EVC2: variants seen among roughly 807,000 people sequenced by gnomAD.
EVC2 encodes limbin.
A neutral mutation model predicts 149.3 loss-of-function variants in EVC2; 148 were observed. The observed-to-expected ratio is 0.99, with a 90% CI of 0.87 to 1.14. The LOEUF (loss-of-function observed/expected upper bound fraction) is 1.14. Among genes scored for constraint, EVC2 ranks in the 50% most tolerant of loss-of-function variants. The pLI is 0.00. For synonymous variants in EVC2, 776 were observed against 649.9 expected (o/e 1.19, Z -2.95); for missense variants, 1,854 against 1,627.3 (o/e 1.14, Z -2.40).
In EVC2 at chr4:5,572,162, T is replaced by C. The variant is rs529342823; in HGVS notation, c.3360+2523A>G. Among the ~76,000 whole-genome samples the C allele has an allele frequency of 9.3e-4, 142 of 152,346 alleles. No homozygotes were observed. In the Middle Eastern group the frequency reaches 0.01, roughly 11 times the overall value. ...AAGAAATTCAGCTGAGTAGATATTA[T>C]TGGGCAGACTATACAAAGCACCAAG... On this transcript the variant is annotated intron_variant, in intron 19 of 21. Transcript: ENST00000344408.
intron 15 of EVC2, among the ~76,000 whole-genome samples, chr4:5,617,941 T>C (rs1252741610): frequency 2.6e-5 from 4 of 152,114 alleles, no homozygotes; most frequent in African/African-American, 7.2e-5. Context: ...CTGGGGGCTT[T>C]GGAGCAAAAA....
intron 1 of EVC2, among the ~76,000 whole-genome samples, chr4:5,701,848 C>A (rs1305359185): frequency 6.6e-6 from 1 of 152,176 alleles, no homozygotes; most frequent in Non-Finnish European, 1.5e-5. Context: ...TTCTCTCTCT[C>A]AACCCAGAAC....
At chr4:5,638,802 G>A (rs910489178) in intron 10 of EVC2, among the ~76,000 whole-genome samples, 28 of 152,150 alleles carry the variant, frequency 1.8e-4, no homozygotes, top group Admixed American at 1.5e-3. Context: ...GGAAGACAGA[G>A]CAAAGATTTA....
At chr4:5,699,680 A>G (rs10937663) in intron 1 of EVC2, among the ~76,000 whole-genome samples, 140,099 of 149,596 alleles carry the variant, frequency 0.94, 65,675 homozygotes, top group African/African-American at 0.96. Flanking sequence ...AATTAGCCAG[A>G]TGTAGTGGCA....
intron 21 of EVC2, among the ~76,000 whole-genome samples, chr4:5,547,396 C>A (rs1721642920): frequency 6.6e-6 from 1 of 152,216 alleles, no homozygotes; most frequent in Non-Finnish European, 1.5e-5. Flanking sequence ...TGGAAGGGGG[C>A]AGATCCCCAG....
intron 16 of EVC2, among the ~76,000 whole-genome samples, chr4:5,600,419 C>G (rs1713884402): frequency 6.6e-6 from 1 of 152,082 alleles, no homozygotes; most frequent in Admixed American, 6.6e-5. Flanking sequence ...AAAGAGGTTT[C>G]TTCATTTCTA....
At chr4:5,590,228 C>A (rs554851289) in intron 16 of EVC2, among the ~76,000 whole-genome samples, 1 of 152,194 alleles carries the variant, frequency 6.6e-6, no homozygotes, top group African/African-American at 2.4e-5. Flanking sequence ...GGCAGAGCTT[C>A]CCCTCAGACA....
chr4:5,652,048 G>A (rs1447906665), intron 9 of EVC2, among the ~76,000 whole-genome samples: 1 of 152,234 alleles, frequency 6.6e-6, no homozygotes, highest in African/African-American at 2.4e-5. Flanking sequence ...GGGAACAGGG[G>A]GAAGCTGGCG....
rs1716988845 is a variant in EVC2 at position 5,637,805 on chromosome 4, CTCTT to C, written c.1470+2705_1470+2708del. Among the ~76,000 whole-genome samples, 2 of 150,276 alleles carry C rather than the reference CTCTT, an allele frequency of 1.3e-5. No homozygotes were observed. Among genetic ancestry groups the C allele is most frequent in the South Asian group, 2.1e-4 (1 of 4,774 alleles). ...CCACTGAGTTGTGGGATGGGCTTCT[CTCTT>C]TTTTTTTTTTTTCAGGGCTTTTTCT... On this transcript the variant is annotated intron_variant, in intron 10 of 21. Coordinates refer to ENST00000344408, the MANE Select transcript of EVC2 (RefSeq NM_147127.5). This position sits in a 1 kb window ranked among gnomAD's most constrained non-coding sequence, Gnocchi z 4.4.
At chr4:5,599,456 T>G (rs1294759258) in intron 16 of EVC2, among the ~76,000 whole-genome samples, 3 of 151,946 alleles carry the variant, frequency 2.0e-5, no homozygotes, top group African/African-American at 4.8e-5. Flanking sequence ...TCATTCTCAG[T>G]AAACTATCGC....
chr4:5,627,152 T>A (rs184489529), intron 12 of EVC2, among the ~76,000 whole-genome samples: 1 of 152,302 alleles, frequency 6.6e-6, no homozygotes, highest in African/African-American at 2.4e-5. Context: ...CTAGACTGCC[T>A]GCATCCCTGG....
At chr4:5,612,323 G>C (rs1714885084) in intron 16 of EVC2, among the ~76,000 whole-genome samples, 1 of 152,018 alleles carries the variant, frequency 6.6e-6, no homozygotes, top group African/African-American at 2.4e-5. Flanking sequence ...TTGAAAACTG[G>C]GTTCTGATTC....
At chr4:5,652,036 C>A (rs1232114222) in intron 9 of EVC2, among the ~76,000 whole-genome samples, 1 of 152,184 alleles carries the variant, frequency 6.6e-6, no homozygotes, top group Non-Finnish European at 1.5e-5. Flanking sequence ...TGAGTTTTAC[C>A]AGGGAACAGG....
intron 16 of EVC2, among the ~76,000 whole-genome samples, chr4:5,598,924 A>C (rs1713718515): frequency 6.6e-6 from 1 of 152,224 alleles, no homozygotes; most frequent in South Asian, 2.1e-4. Flanking sequence ...ATGAACAGAC[A>C]TTTCTCAAAA....
At chr4:5,687,606 T>C (rs1720813609) in intron 5 of EVC2, among the ~76,000 whole-genome samples, 1 of 152,016 alleles carries the variant, frequency 6.6e-6, no homozygotes, top group African/African-American at 2.4e-5. Flanking sequence ...GGTAGGGCTT[T>C]CTAGAAAAGG....
chr4:5,534,883 C>A, the EVC2 span, among the ~76,000 whole-genome samples: 2 of 150,576 alleles, frequency 1.3e-5, no homozygotes, highest in East Asian at 3.9e-4. Flanking sequence ...TGGTTAATGG[C>A]CATAACACAA....
chr4:5,654,003 A>C (rs1577211836), intron 9 of EVC2, among the ~76,000 whole-genome samples: 1 of 152,188 alleles, frequency 6.6e-6, no homozygotes, highest in South Asian at 2.1e-4. Flanking sequence ...CACCTGAGGT[A>C]AGGAGTTCGA....
At chr4:5,573,015 G>A (rs1180002555) in intron 19 of EVC2, among the ~76,000 whole-genome samples, 5 of 152,160 alleles carry the variant, frequency 3.3e-5, no homozygotes, top group Non-Finnish European at 7.3e-5. Flanking sequence ...CATAAAACAG[G>A]ATAATACTGC....
At chr4:5,666,514 T>C (rs1386476171) in intron 7 of EVC2, among the ~76,000 whole-genome samples, 1 of 152,232 alleles carries the variant, frequency 6.6e-6, no homozygotes, top group Non-Finnish European at 1.5e-5. Context: ...TTGTTTTTCC[T>C]GAAGTTTTTC....
Sources: allele counts gnomAD v4.1 joint callset (sites outside exome capture counted in the v4.1 genomes callset), GRCh38; gene constraint gnomAD v4.1.1; non-coding constraint Gnocchi (gnomAD v3.1); transcripts MANE v1.5; gene names NCBI Gene and HGNC (gene_info 2026-07-23, HGNC 2026-07-21).